Variants in MYH1 observed in about 807,000 individuals in gnomAD.
The protein encoded by MYH1 is myosin heavy chain 1, also known as myosin-1.
A neutral mutation model predicts 225.6 loss-of-function variants in MYH1; 214 were observed. The ratio of observed to expected loss-of-function variants is 0.95; its 90% CI spans 0.85 to 1.06. The LOEUF is 1.06. MYH1 is among the 50% of genes least tolerant of loss of function. MYH1 has a pLI of 0.00. For missense variants in MYH1, 2,098 were observed against 2,344.2 expected, an observed-to-expected ratio of 0.89 and a Z score of 2.17; for synonymous variants, 774 against 842.3, an observed-to-expected ratio of 0.92 and a Z score of 1.40.
intron 39 of MYH1, among the ~76,000 whole-genome samples, chr17:10,493,364 T>G (rs2072954250): frequency 6.6e-6 from 1 of 152,148 alleles, no homozygotes; most frequent in Non-Finnish European, 1.5e-5. Context: ...CATTCCCATC[T>G]TTCTCTCTCT....
Position 10,494,678 on chromosome 17 carries a change from A to T in MYH1, c.5467-5T>A, listed in dbSNP as rs779062202. 2 of 1,613,438 alleles carry T rather than the reference A, an allele frequency of 1.2e-6. No homozygotes were observed. The highest frequency in any genetic ancestry group is 2.2e-5 in the East Asian group (1 of 44,878). On this transcript the variant is annotated splice_polypyrimidine_tract_variant and splice_region_variant and intron_variant, in intron 37 of 39. Coordinates refer to ENST00000226207, the MANE Select transcript of MYH1 (RefSeq NM_005963.4). ...TTCACCTTCAAGTTCACGAACCTAC[A>T]AGAAGATGGACATTTTAAGGACATT...
intron 14 of MYH1, 31 bp downstream of exon 14, chr17:10,511,807 AC>A (rs748926823): frequency 2.5e-6 from 4 of 1,613,790 alleles, no homozygotes; most frequent in East Asian, 2.2e-5. Context: ...CTTGTTGGAA[AC>A]TTTTTTGGTA....
rs764650698 is a variant in MYH1 at position 10,512,211 on chromosome 17, G to T, written c.1148-19C>A. On this transcript the variant is annotated intron_variant, in intron 12 of 39. Coordinates refer to ENST00000226207, the MANE Select transcript of MYH1 (RefSeq NM_005963.4). ...TCAGCAACTGCAGAAACATAATTCA[G>T]ATACCTAATATGACTTACTCTGGGA... The T allele has an allele frequency of 6.2e-7, 1 of 1,607,076 alleles. No individual in the cohort carries two copies. The highest frequency in any genetic ancestry group is 1.7e-5 in the Admixed American group (1 of 60,008).
rs781023325 is a variant in MYH1, at chr17:10,508,706, A to T, written c.1588-34T>A. The T allele has an allele frequency of 2.1e-5, 34 of 1,604,424 alleles. No homozygotes were observed. In the African/African-American group the frequency reaches 3.8e-4, roughly 18 times the overall value. ...ATGAAAAGAAATAAATGCCACTTGAATTCTGTCTGCTTATAGAAATAACAT... is the reference window on the plus strand; with the variant it reads ...ATGAAAAGAAATAAATGCCACTTGATTTCTGTCTGCTTATAGAAATAACAT... On this transcript the variant is annotated intron_variant, in intron 15 of 39. Transcript: ENST00000226207.
chr17:10,495,169 C>A (rs766586611), intron 36 of MYH1, 23 bp downstream of exon 36: 1 of 1,614,208 alleles, frequency 6.2e-7, no homozygotes, highest in Non-Finnish European at 8.5e-7. Flanking sequence ...AGTTTGACCA[C>A]CACTGTGTTA....
chr17:10,514,250 C>T (rs2073203465), intron 6 of MYH1, 126 bp from the exon 7 acceptor site: 1 of 1,124,402 alleles, frequency 8.9e-7, no homozygotes, highest in Non-Finnish European at 1.3e-6. Context: ...CTACATATAG[C>T]TCGTATTATT....
At chr17:10,495,886 C>T (rs1210355732) in intron 35 of MYH1, 64 bp downstream of exon 35, 3 of 1,593,180 alleles carry the variant, frequency 1.9e-6, no homozygotes, top group East Asian at 2.2e-5. Context: ...AATAGTACCA[C>T]GATTTCAGCA....
chr17:10,497,981 C>G, intron 30 of MYH1, 64 bp from the exon 31 acceptor site: 1 of 1,450,674 alleles, frequency 6.9e-7, no homozygotes, highest in African/African-American at 1.4e-5. Context: ...AAAGTGGGTA[C>G]AAGAGAGTGA....
rs781138581 is a variant in MYH1, at chr17:10,508,393, GGA to G, written c.1865_1866del (p.Leu622ProfsTer20). On this transcript the variant is annotated frameshift_variant, in exon 16 of 40. Transcript: ENST00000226207. LOFTEE classifies it high-confidence loss of function. ...YQKSAMKTLALLFVGATGAEA... is the reference protein window; with the variant it reads ...YQKSAMKTLAXLFVGATGAEA... ...TCCGCTCCCGTTGCCCCAACAAAGA[GGA>G]GAGCCAGAGTCTTCATTGCAGACTT... 6.2e-7 allele frequency: 1 copy of G among 1,609,482 alleles called. No homozygotes were observed. The highest frequency in any genetic ancestry group is 8.5e-7 in the Non-Finnish European group (1 of 1,177,670).
Position 10,499,116 on chromosome 17 carries a change from A to G in MYH1, c.3866-24T>C, listed in dbSNP as rs775363533. The G allele has an allele frequency of 1.1e-5, 18 of 1,567,448 alleles. No individual in the cohort carries two copies. In the South Asian group the frequency reaches 1.9e-4, roughly 17 times the overall value. ...ACCTGTAAAAGACCAAGTCCAGAAAACTCAACCTTACTTTGGAAATTAAAA... is the reference window on the plus strand; with the variant it reads ...ACCTGTAAAAGACCAAGTCCAGAAAGCTCAACCTTACTTTGGAAATTAAAA... On this transcript the variant is annotated intron_variant, in intron 28 of 39. Coordinates refer to ENST00000226207, the MANE Select transcript of MYH1 (RefSeq NM_005963.4).
At chr17:10,498,133 C>T (rs1401516615) in intron 30 of MYH1, among the ~76,000 whole-genome samples, 1 of 152,242 alleles carries the variant, frequency 6.6e-6, no homozygotes, top group Non-Finnish European at 1.5e-5. Flanking sequence ...CATAGAGTGG[C>T]TTTAAGGCCA....
chr17:10,499,459 G>C (rs962665937), intron 28 of MYH1, among the ~76,000 whole-genome samples: 1 of 152,174 alleles, frequency 6.6e-6, no homozygotes, highest in African/African-American at 2.4e-5. Context: ...TCCATTGAAA[G>C]TTGGTTGAAA....
At chr17:10,509,759 C>A in intron 14 of MYH1, 104 bp from the exon 15 acceptor site, 3 of 1,589,290 alleles carry the variant, frequency 1.9e-6, no homozygotes, top group Non-Finnish European at 2.6e-6. Context: ...AGGATGGTAT[C>A]GTTTTGTCCT....
rs1384626275 is a variant in MYH1, at chr17:10,494,915, T to G, written c.5466+16A>C. 2 of 1,614,130 alleles carry G rather than the reference T, an allele frequency of 1.2e-6. No homozygotes were observed. Among genetic ancestry groups the G allele is most frequent in the Admixed American group, 1.7e-5 (1 of 60,020 alleles). Reference sequence around the variant, plus strand: ...ATTGGAATGAGATAGAAATACATGCTGATTAGGAGACCCACCCTGGCCTCC... The same window carrying G: ...ATTGGAATGAGATAGAAATACATGCGGATTAGGAGACCCACCCTGGCCTCC... On this transcript the variant is annotated intron_variant, in intron 37 of 39. Coordinates refer to ENST00000226207, the MANE Select transcript of MYH1 (RefSeq NM_005963.4).
At position 10,492,359 on chromosome 17, in the gene MYH1, G is replaced by T; in HGVS notation, c.*57C>A. 2 of 1,588,920 alleles carry T rather than the reference G, an allele frequency of 1.3e-6. No homozygotes were observed. Among genetic ancestry groups the T allele is most frequent in the South Asian group, 1.2e-5 (1 of 86,938 alleles). ...AAAAGTCATAAGTACAAAATGGAGT[G>T]ACAAAGATTTTCACATTTTGTGCAT... On this transcript the variant is annotated 3_prime_UTR_variant, in exon 40 of 40. Transcript: ENST00000226207.
At chr17:10,517,243 A>G (rs1193567483) in intron 2 of MYH1, among the ~76,000 whole-genome samples, 1 of 152,220 alleles carries the variant, frequency 6.6e-6, no homozygotes, top group African/African-American at 2.4e-5. Context: ...TTTTCATTAT[A>G]AACTTGGGAG....
chr17:10,500,761 A>G lies in MYH1; in HGVS notation c.3739-9T>C, dbSNP rs745993245. On this transcript the variant is annotated splice_polypyrimidine_tract_variant and intron_variant, in intron 27 of 39. Transcript: ENST00000226207. ...ATCTTTTCAAGGTTTCCCTGCATTCAAAAAGTGGTAGAAGGCATCTCAAGT... is the reference window on the plus strand; with the variant it reads ...ATCTTTTCAAGGTTTCCCTGCATTCGAAAAGTGGTAGAAGGCATCTCAAGT... 1.9e-6 allele frequency: 3 copies of G among 1,613,672 alleles called. No homozygotes were observed. The highest frequency in any genetic ancestry group is 2.2e-5 in the South Asian group (2 of 91,082).
Position 10,514,082 on chromosome 17 carries a change from G to A in MYH1, c.576C>T (p.Val192=), listed in dbSNP as rs1330428314. ...CTGCAATTGTTGCAAAGTACTGGATGACACGCTTGGTGTTCACAGTCTTCC... is the reference window on the plus strand; with the variant it reads ...CTGCAATTGTTGCAAAGTACTGGATAACACGCTTGGTGTTCACAGTCTTCC... ...GAGKTVNTKR[V]IQYFATIAVT... Residue 192 remains valine (V), a synonymous_variant, in exon 7 of 40, where the codon GTC becomes GTT. Coordinates refer to ENST00000226207, the MANE Select transcript of MYH1 (RefSeq NM_005963.4). 6.2e-7 allele frequency: 1 copy of A among 1,614,176 alleles called. No individual in the cohort carries two copies. Among genetic ancestry groups the A allele is most frequent in the Non-Finnish European group, 8.5e-7 (1 of 1,180,002 alleles).
At position 10,494,911 on chromosome 17, in the gene MYH1, A is replaced by G. The variant is rs1369183072; in HGVS notation, c.5466+20T>C. The G allele has an allele frequency of 1.2e-6, 2 of 1,614,112 alleles. No homozygotes were observed. Among genetic ancestry groups the G allele is most frequent in the Non-Finnish European group, 8.5e-7 (1 of 1,180,002 alleles). On this transcript the variant is annotated intron_variant, in intron 37 of 39. Coordinates refer to ENST00000226207, the MANE Select transcript of MYH1 (RefSeq NM_005963.4). Reference sequence around the variant, plus strand: ...TTGGATTGGAATGAGATAGAAATACATGCTGATTAGGAGACCCACCCTGGC... The same window carrying G: ...TTGGATTGGAATGAGATAGAAATACGTGCTGATTAGGAGACCCACCCTGGC...
Sources: gnomAD v4.1 joint callset for allele counts (sites outside exome capture counted in the v4.1 genomes callset) on GRCh38, gnomAD v4.1.1 for gene constraint, MANE v1.5 for transcripts, NCBI Gene and HGNC (gene_info 2026-07-23, HGNC 2026-07-21) for gene names.